WDR72: variants seen among roughly 807,000 people sequenced by gnomAD.
WDR72 encodes WD repeat-containing protein 72.
In WDR72, 120 loss-of-function variants were observed where a neutral mutation model predicts 124.2. The ratio of observed to expected loss-of-function variants is 0.97; its 90% CI spans 0.83 to 1.12. The LOEUF (loss-of-function observed/expected upper bound fraction) is 1.12. Ranked by LOEUF, WDR72 falls within the 50% of genes most tolerant of loss-of-function variation. The pLI, the probability that WDR72 is intolerant of heterozygous loss-of-function variation, is 0.00. For missense variants in WDR72, 1,387 were observed against 1,278.8 expected (o/e 1.08, Z -1.29); for synonymous variants, 452 against 441.7 (o/e 1.02, Z -0.29).
chr15:53,555,180 C>T (rs1893880803), intron 18 of WDR72, among the ~76,000 whole-genome samples: 1 of 150,658 alleles, frequency 6.6e-6, no homozygotes, highest in African/African-American at 2.4e-5. Context: ...CTGAGTTTTT[C>T]TCCACTTTCT....
intron 19 of WDR72, 49 bp from the exon 20 acceptor site, chr15:53,517,803 G>GA: frequency 1.3e-6 from 2 of 1,572,142 alleles, no homozygotes; most frequent in South Asian, 1.1e-5. Context: ...TCTAAAAAGA[G>GA]AAAAAAGAGA....
At chr15:53,563,259 C>T (rs1345474961) in intron 18 of WDR72, among the ~76,000 whole-genome samples, 1 of 151,646 alleles carries the variant, frequency 6.6e-6, no homozygotes, top group Non-Finnish European at 1.5e-5. Context: ...TTAAAGTTAA[C>T]AAGCAGACTA....
intron 17 of WDR72, among the ~76,000 whole-genome samples, chr15:53,598,928 A>G (rs1272353627): frequency 6.6e-6 from 1 of 152,144 alleles, no homozygotes; most frequent in Non-Finnish European, 1.5e-5. Context: ...ATATGAGACC[A>G]GCCTGGTTGA....
intron 18 of WDR72, among the ~76,000 whole-genome samples, chr15:53,577,148 G>A (rs1298661446): frequency 6.6e-6 from 1 of 152,134 alleles, no homozygotes; most frequent in South Asian, 2.1e-4. Flanking sequence ...AAGAAACTTG[G>A]TCAGTACCTG....
At chr15:53,614,531 A>G (rs948305876) in intron 15 of WDR72, among the ~76,000 whole-genome samples, 2 of 152,092 alleles carry the variant, frequency 1.3e-5, no homozygotes, top group East Asian at 3.9e-4. Context: ...GTGTGACAAC[A>G]TTTGAAAGGC....
chr15:53,658,074 T>G (rs538796900), intron 14 of WDR72, among the ~76,000 whole-genome samples: 1 of 152,340 alleles, frequency 6.6e-6, no homozygotes, highest in South Asian at 2.1e-4. Flanking sequence ...ACACTTTAGA[T>G]GAGGACTTAT....
At chr15:53,671,678 C>T (rs766838190) in intron 13 of WDR72, among the ~76,000 whole-genome samples, 5 of 152,118 alleles carry the variant, frequency 3.3e-5, no homozygotes, top group Non-Finnish European at 4.4e-5. Flanking sequence ...GCCAACACTG[C>T]GAAAAGTGCC....
intron 14 of WDR72, among the ~76,000 whole-genome samples, chr15:53,646,178 C>T (rs1167964447): frequency 1.3e-5 from 2 of 152,114 alleles, no homozygotes; most frequent in African/African-American, 4.8e-5. Context: ...TTCTTTTACA[C>T]TCTCAGATAG....
At chr15:53,658,272 T>C (rs1053029003) in intron 14 of WDR72, among the ~76,000 whole-genome samples, 3 of 152,182 alleles carry the variant, frequency 2.0e-5, no homozygotes, top group African/African-American at 7.2e-5. Context: ...ATATATAACT[T>C]CACTTCCTCT....
intron 14 of WDR72, among the ~76,000 whole-genome samples, chr15:53,651,167 C>G (rs1178571549): frequency 6.6e-6 from 1 of 152,032 alleles, no homozygotes; most frequent in African/African-American, 2.4e-5. Flanking sequence ...TACTTTAGGC[C>G]TTCTGTTGTA....
At chr15:53,617,027 T>G (rs549149813) in intron 14 of WDR72, among the ~76,000 whole-genome samples, 10 of 152,080 alleles carry the variant, frequency 6.6e-5, no homozygotes, top group Admixed American at 4.6e-4. Flanking sequence ...AAAACAATGC[T>G]TCTATACAGC....
At chr15:53,664,899 A>G (rs1460879953) in intron 14 of WDR72, among the ~76,000 whole-genome samples, 1 of 152,212 alleles carries the variant, frequency 6.6e-6, no homozygotes, top group Non-Finnish European at 1.5e-5. Flanking sequence ...TACATTTGAT[A>G]TGTACATATA....
chr15:53,527,579 T>C (rs1455862096), intron 18 of WDR72, among the ~76,000 whole-genome samples: 4 of 152,046 alleles, frequency 2.6e-5, no homozygotes, highest in Non-Finnish European at 5.9e-5. Flanking sequence ...CAATAACTTA[T>C]GAATGATTTA....
Position 53,517,431 on chromosome 15 carries a change from C to T in WDR72, c.*268G>A. ...TGGCATTCCCTGTTGGAAATATTAA[C>T]AGAAAAAGTAAGAAACAGGAATAGA... On this transcript the variant is annotated 3_prime_UTR_variant, in exon 20 of 20. Transcript: ENST00000360509. 2.4e-6 allele frequency: 1 copy of T among 417,866 alleles called. No individual in the cohort carries two copies. 25.9% of individuals were successfully genotyped at this position (417,866 alleles called of 1,614,324 possible). A position where few individuals can be genotyped will look rare whatever the true frequency, so the allele number is the denominator to read the frequency against.
intron 14 of WDR72, among the ~76,000 whole-genome samples, chr15:53,624,024 T>G (rs1025479991): frequency 3.3e-5 from 5 of 152,290 alleles, no homozygotes; most frequent in African/African-American, 1.2e-4. Flanking sequence ...CCATTTTTAA[T>G]GGAGTTATTT....
At chr15:53,646,656 G>T (rs1433697647) in intron 14 of WDR72, among the ~76,000 whole-genome samples, 3 of 152,092 alleles carry the variant, frequency 2.0e-5, no homozygotes, top group Non-Finnish European at 4.4e-5. Context: ...TGTGTCTCCA[G>T]CTTCTGGAAA....
chr15:53,680,345 T>G (rs192549612), intron 13 of WDR72, among the ~76,000 whole-genome samples: 1 of 152,320 alleles, frequency 6.6e-6, no homozygotes, highest in African/African-American at 2.4e-5. Flanking sequence ...ATTCAATGTT[T>G]AAAAGAAGCA....
In WDR72 at chr15:53,615,833, T is replaced by C; in HGVS notation, c.2373A>G (p.Thr791=). ...ACAGAAACAATTTTGCTGTGTCTATTGTGAGACTGGCATCTACTTTTCTTG... is the reference window on the plus strand; with the variant it reads ...ACAGAAACAATTTTGCTGTGTCTATCGTGAGACTGGCATCTACTTTTCTTG... The part of the protein sequence containing the change: ...KPSRKVDASL[T]IDTAKLFLSC... The change falls in exon 15 of 20, where the codon ACA becomes ACG. Residue 791 remains threonine, a synonymous_variant. Coordinates refer to ENST00000360509, the MANE Select transcript of WDR72 (RefSeq NM_182758.4). 6.2e-7 allele frequency: 1 copy of C among 1,613,668 alleles called. No individual in the cohort carries two copies. The highest frequency in any genetic ancestry group is 1.1e-5 in the South Asian group (1 of 91,082).
Position 53,606,966 on chromosome 15 carries a change from A to G in WDR72, c.2952+2547T>C, listed in dbSNP as rs965746146. Among the ~76,000 whole-genome samples, 3 of 152,330 alleles carry G rather than the reference A, an allele frequency of 2.0e-5. No individual in the cohort carries two copies. The East Asian group carries it at 5.8e-4, about 29-fold the overall frequency. Reference sequence around the variant, plus strand: ...GTATTATAGCATCAGCCCCTATAGTATATTACGAGTTAACTTTGTTTCCCT... The same window carrying G: ...GTATTATAGCATCAGCCCCTATAGTGTATTACGAGTTAACTTTGTTTCCCT... On this transcript the variant is annotated intron_variant, in intron 17 of 19. Transcript: ENST00000360509.
Sources: allele counts gnomAD v4.1 joint callset (sites outside exome capture counted in the v4.1 genomes callset), GRCh38; gene constraint gnomAD v4.1.1; transcripts MANE v1.5; gene names NCBI Gene and HGNC (gene_info 2026-07-23, HGNC 2026-07-21).